The following LINC01488 variants were observed in gnomAD, a reference collection of about 807,000 sequenced individuals.
LINC01488 encodes the protein long independently transcribed non-coding RNA 1488, also known as CCND1-upstream intergenic DNA repair 1.
chr11:69,484,197 A>G (rs1026527313), intron 1 of LINC01488, among the ~76,000 whole-genome samples: 3 of 152,134 alleles, frequency 2.0e-5, no homozygotes, highest in African/African-American at 7.2e-5. Context: ...ACCTCAGAAC[A>G]CTCAGCCAAG....
At chr11:69,489,886 T>C (rs1857191588) in intron 1 of LINC01488, among the ~76,000 whole-genome samples, 1 of 151,932 alleles carries the variant, frequency 6.6e-6, no homozygotes, top group Non-Finnish European at 1.5e-5. Flanking sequence ...GTGAGGAGGG[T>C]AAGCTTCCAG....
chr11:69,484,993 G>A (rs189342715), intron 1 of LINC01488, among the ~76,000 whole-genome samples: 16 of 152,276 alleles, frequency 1.1e-4, no homozygotes, highest in Admixed American at 9.8e-4. Context: ...TGACACAAGT[G>A]GGCTGTGCTA....
intron 1 of LINC01488, among the ~76,000 whole-genome samples, chr11:69,489,519 C>A (rs889731020): frequency 2.0e-5 from 3 of 152,240 alleles, no homozygotes; most frequent in Admixed American, 2.0e-4. Context: ...TTCCCACAGG[C>A]CTCCCATGTG....
intron 1 of LINC01488, among the ~76,000 whole-genome samples, chr11:69,482,421 T>C (rs1178086651): frequency 6.6e-6 from 1 of 151,836 alleles, no homozygotes; most frequent in Non-Finnish European, 1.5e-5. Context: ...AATGGATGGA[T>C]GGATGAGTGG....
intron 2 of LINC01488, chr11:69,490,574 C>T (rs561877865): frequency 2.0e-5 from 3 of 152,314 alleles, no homozygotes; most frequent in African/African-American, 7.2e-5. Flanking sequence ...AGGTGGGGTC[C>T]CTGAGGCGGG....
intron 1 of LINC01488, among the ~76,000 whole-genome samples, chr11:69,489,820 G>A (rs1286995487): frequency 2.6e-5 from 4 of 152,222 alleles, no homozygotes; most frequent in African/African-American, 9.6e-5. Context: ...GGGCTGGCAG[G>A]CTGGATTTGG....
chr11:69,490,991 C>A (rs957440087), intron 2 of LINC01488: 1 of 152,252 alleles, frequency 6.6e-6, no homozygotes, highest in African/African-American at 2.4e-5. Context: ...ATGCAGCCAG[C>A]CAGCCATCGT....
chr11:69,482,780 G>A (rs939823061), intron 1 of LINC01488, among the ~76,000 whole-genome samples: 1 of 152,212 alleles, frequency 6.6e-6, no homozygotes, highest in Non-Finnish European at 1.5e-5. Flanking sequence ...CGTCCTGGAG[G>A]CTAGACGTCT....
At chr11:69,483,946 G>A (rs1282871052) in intron 1 of LINC01488, among the ~76,000 whole-genome samples, 7 of 152,170 alleles carry the variant, frequency 4.6e-5, no homozygotes, top group South Asian at 2.1e-4. Flanking sequence ...TAAGGCAGCC[G>A]AGCCAAGGGC....
At chr11:69,491,191 C>G (rs1330600342) in exon 3 of LINC01488, 2 of 152,278 alleles carry the variant, frequency 1.3e-5, no homozygotes, top group African/African-American at 4.8e-5. Context: ...GCTGGCAGGG[C>G]TCAGTGGTGA....
intron 1 of LINC01488, among the ~76,000 whole-genome samples, chr11:69,486,919 A>G (rs1460423082): frequency 1.3e-5 from 2 of 152,072 alleles, no homozygotes; most frequent in African/African-American, 4.8e-5. Flanking sequence ...CTGAACCACC[A>G]CATTCCTGAG....
At chr11:69,492,510 G>A (rs1250780094) in exon 4 of LINC01488, 1 of 152,398 alleles carries the variant, frequency 6.6e-6, no homozygotes, top group Non-Finnish European at 1.5e-5. Context: ...TAGAAGCAGA[G>A]GTCGGAGGGA....
At chr11:69,487,391 C>T (rs985733192) in intron 1 of LINC01488, among the ~76,000 whole-genome samples, 2 of 152,202 alleles carry the variant, frequency 1.3e-5, no homozygotes, top group African/African-American at 4.8e-5. Flanking sequence ...GAAATCCTGT[C>T]TGCCATGACG....
intron 1 of LINC01488, among the ~76,000 whole-genome samples, chr11:69,483,835 G>A (rs1340455974): frequency 1.3e-5 from 2 of 152,174 alleles, no homozygotes; most frequent in African/African-American, 4.8e-5. Context: ...CCCGGCTGGC[G>A]GGCAGCAAAT....
At chr11:69,492,718 C>T (rs1278778833) in exon 4 of LINC01488, 1 of 152,206 alleles carries the variant, frequency 6.6e-6, no homozygotes, top group Non-Finnish European at 1.5e-5. Context: ...TGTTTTAAGC[C>T]ACTGCAATTG....
intron 1 of LINC01488, among the ~76,000 whole-genome samples, chr11:69,481,949 AGATG>A: frequency 6.6e-6 from 1 of 151,390 alleles, no homozygotes; most frequent in Non-Finnish European, 1.5e-5. Context: ...ATAGATGAGT[AGATG>A]GATGGATGGA....
chr11:69,489,131 T>C (rs1164873565), intron 1 of LINC01488, among the ~76,000 whole-genome samples: 1 of 152,010 alleles, frequency 6.6e-6, no homozygotes, highest in Non-Finnish European at 1.5e-5. Flanking sequence ...GCCCCTCGGA[T>C]TGGGGGGAGC....
At chr11:69,482,662 G>A (rs1439607505) in intron 1 of LINC01488, among the ~76,000 whole-genome samples, 8 of 152,314 alleles carry the variant, frequency 5.3e-5, no homozygotes, top group Middle Eastern at 3.4e-3. Context: ...TGAATGGATG[G>A]AAGAAAGGAA....
chr11:69,486,312 A>G (rs1857116139), intron 1 of LINC01488, among the ~76,000 whole-genome samples: 3 of 151,846 alleles, frequency 2.0e-5, no homozygotes, highest in Admixed American at 2.0e-4. Flanking sequence ...TCAGCCCTAG[A>G]TATTAGCTAG....
Sources: allele counts gnomAD v4.1 joint callset (sites outside exome capture counted in the v4.1 genomes callset), GRCh38; gene constraint gnomAD v4.1.1; transcripts MANE v1.5; gene names NCBI Gene and HGNC (gene_info 2026-07-23, HGNC 2026-07-21).